Variants in WDR90 observed in about 807,000 individuals in gnomAD.
WDR90 encodes the protein WD repeat-containing protein 90.
In WDR90, 238 loss-of-function variants were observed where a neutral mutation model predicts 195.2. The observed-to-expected ratio is 1.22, with a 90% CI of 1.10 to 1.36. WDR90 has a LOEUF of 1.36. Ranked by LOEUF, WDR90 falls within the 40% of genes most tolerant of loss-of-function variation. The pLI is 0.00. For missense variants in WDR90, 2,734 were observed against 2,439.5 expected (o/e 1.12, Z -2.54); for synonymous variants, 1,265 against 1,052.4 (o/e 1.20, Z -3.91).
At chr16:661,538 T>C in intron 30 of WDR90, 37 bp downstream of exon 30, 1 of 1,538,228 alleles carries the variant, frequency 6.5e-7, no homozygotes, top group South Asian at 1.1e-5. Flanking sequence ...GGGGCTTCCC[T>C]AGACCCCGGG....
rs1263603744 is a variant in WDR90 at position 657,075 on chromosome 16, CCT to C, written c.2343-15_2343-14del. The C allele has an allele frequency of 3.8e-6, 6 of 1,596,208 alleles. No individual in the cohort carries two copies. The highest frequency in any genetic ancestry group is 5.1e-6 in the Non-Finnish European group (6 of 1,175,588). ...CTTCGGGGCTAGGGCCAGCGGGGTC[CCT>C]GTGTGTGCTGCAGGTGCCACCGAGG... On this transcript the variant is annotated splice_polypyrimidine_tract_variant and intron_variant, in intron 19 of 40. Transcript: ENST00000293879.
intron 36 of WDR90, 43 bp from the exon 37 acceptor site, chr16:666,176 CA>C: frequency 6.2e-7 from 1 of 1,606,070 alleles, no homozygotes; most frequent in Non-Finnish European, 8.5e-7. Flanking sequence ...GGCCCAGGTC[CA>C]GTCTCCGGGC....
chr16:652,090 C>T (rs1347220989), intron 9 of WDR90, 51 bp downstream of exon 9: 3 of 1,525,908 alleles, frequency 2.0e-6, no homozygotes, highest in African/African-American at 1.4e-5. Context: ...TGGGCTGGGG[C>T]AGCTGGTAGC....
chr16:663,144 G>C (rs766573213), intron 34 of WDR90: 24 of 503,332 alleles, frequency 4.8e-5, no homozygotes, highest in Non-Finnish European at 8.0e-5. Context: ...AATTGTCAAA[G>C]AAATCACATC....
intron 10 of WDR90, 38 bp from the exon 11 acceptor site, chr16:653,303 G>A (rs747517716): frequency 6.9e-6 from 10 of 1,454,554 alleles, no homozygotes; most frequent in Middle Eastern, 1.9e-4. Flanking sequence ...GGGGCCTGGC[G>A]TAGCACCGGT....
chr16:649,709 T>G, intron 1 of WDR90, 54 bp from the exon 2 acceptor site: 4 of 1,509,252 alleles, frequency 2.7e-6, no homozygotes, highest in Non-Finnish European at 3.6e-6. Flanking sequence ...AGCCCCGCAG[T>G]GGCCCCGGCT....
chr16:649,442 C>T lies in WDR90; in HGVS notation c.10+16C>T, dbSNP rs934118444. 1.5e-6 allele frequency: 2 copies of T among 1,296,724 alleles called. No homozygotes were observed. The highest frequency in any genetic ancestry group is 1.5e-5 in the African/African-American group (1 of 64,686). 80.3% of individuals were successfully genotyped at this position (1,296,724 alleles called of 1,614,324 possible). A position where few individuals can be genotyped will look rare whatever the true frequency, so the allele number is the denominator to read the frequency against. On this transcript the variant is annotated intron_variant, in intron 1 of 40. Coordinates refer to ENST00000293879, the MANE Select transcript of WDR90 (RefSeq NM_145294.5). ...ATGGCCCGAGGTAGCGCGCGGCTGG[C>T]GGGGGTCCCGAGGATCCCGGGTTCC...
intron 32 of WDR90, 54 bp from the exon 33 acceptor site, chr16:662,165 AC>A: frequency 6.6e-7 from 1 of 1,520,132 alleles, no homozygotes; most frequent in East Asian, 2.4e-5. Context: ...CAGCCTTGTG[AC>A]CCAGGGCCTC....
upstream of WDR90, chr16:649,274 G>T: frequency 5.9e-6 from 6 of 1,008,926 alleles, no homozygotes; most frequent in Non-Finnish European, 7.8e-6. Flanking sequence ...CCACCGGGGA[G>T]GTCACGTGGC....
intron 26 of WDR90, 27 bp downstream of exon 26, chr16:659,403 G>T (rs1475568102): frequency 3.8e-6 from 6 of 1,580,284 alleles, no homozygotes; most frequent in Non-Finnish European, 5.2e-6. Flanking sequence ...CTGGAGGAGT[G>T]GGGGGATTCG....
rs369592075 is a variant in WDR90, at chr16:660,759, G to A, written c.3391+45G>A. Reference sequence around the variant, plus strand: ...CCCCACCCCCAGCCAAGATGCGGCCGCGCGTGGTCCAGCCGTCTCCACCCC... The same window carrying A: ...CCCCACCCCCAGCCAAGATGCGGCCACGCGTGGTCCAGCCGTCTCCACCCC... On this transcript the variant is annotated intron_variant, in intron 28 of 40. Coordinates refer to ENST00000293879, the MANE Select transcript of WDR90 (RefSeq NM_145294.5). The A allele has an allele frequency of 1.6e-5, 25 of 1,521,398 alleles. No individual in the cohort carries two copies. In the Middle Eastern group the frequency reaches 5.1e-4, roughly 31 times the overall value. 94.2% of individuals were successfully genotyped at this position (1,521,398 alleles called of 1,614,324 possible). A position where few individuals can be genotyped will look rare whatever the true frequency, so the allele number is the denominator to read the frequency against.
rs2038050533 is a variant in WDR90, at chr16:666,448, T to G, written c.4741-7T>G. On this transcript the variant is annotated splice_region_variant and splice_polypyrimidine_tract_variant and intron_variant, in intron 37 of 40. Transcript: ENST00000293879. ...CACCTGTCGGCCCTCACCCACTCCA[T>G]TCCCAGTGTGAAGACTTAGGGGTGG... 3 of 1,610,016 alleles carry G rather than the reference T, an allele frequency of 1.9e-6. No homozygotes were observed. Among genetic ancestry groups the G allele is most frequent in the Non-Finnish European group, 2.5e-6 (3 of 1,178,060 alleles).
At position 650,091 on chromosome 16, in the gene WDR90, C is replaced by T. The variant is rs374792797; in HGVS notation, c.203C>T (p.Thr68Met). The T allele has an allele frequency of 1.9e-6, 3 of 1,613,066 alleles. No individual in the cohort carries two copies. The highest frequency in any genetic ancestry group is 1.7e-5 in the Admixed American group (1 of 60,032). ...AGCAGCACCCAGTCTCTGGGGCTGA[C>T]GGGACGATACCTGTATGTGCTCTTT... The part of the protein sequence containing the change: ...PKSSTQSLGL[T>M]GRYLYVLFRP... Residue 68 changes from threonine to methionine, a missense_variant, in exon 3 of 41, where the codon ACG becomes ATG. Physicochemically the swap from Thr to Met is moderately conservative, Grantham distance 81. Coordinates refer to ENST00000293879, the MANE Select transcript of WDR90 (RefSeq NM_145294.5).
chr16:650,874 C>T (rs2037631522), intron 5 of WDR90, 121 bp from the exon 6 acceptor site: 1 of 1,480,400 alleles, frequency 6.8e-7, no homozygotes. Flanking sequence ...GAACCCATCC[C>T]AGAGGCAGCC....
Position 653,611 on chromosome 16 carries a change from C to G in WDR90, c.1320C>G (p.Phe440Leu), listed in dbSNP as rs773703864. 4 of 1,613,410 alleles carry G rather than the reference C, an allele frequency of 2.5e-6. No individual in the cohort carries two copies. The highest frequency in any genetic ancestry group is 8.5e-7 in the Non-Finnish European group (1 of 1,180,014). Residue 440 changes from phenylalanine (F) to leucine (L), a missense_variant, in exon 12 of 41, where the codon TTC (phenylalanine) becomes TTG (leucine). Transcript: ENST00000293879. ...RAPSVMRLWDFQTGRCLCLFR... is the reference protein window; with the variant it reads ...RAPSVMRLWDLQTGRCLCLFR... The stretch of plus-strand genomic sequence containing the variant: ...CTAGTGTGATGCGGCTCTGGGACTT[C>G]CAGACCGGGCGGTGCTTGTGCCTGT...
In WDR90 at chr16:655,429, A is replaced by G; in HGVS notation, c.1679A>G (p.Gln560Arg). Residue 560 changes from glutamine (Q) to arginine (R), a missense_variant, in exon 15 of 41, where the codon CAG becomes CGG. By Grantham distance (43) the Gln-to-Arg change is conservative (BLOSUM62 1). Transcript: ENST00000293879. ...ALQFTDLAFKQARDGCPEPSA... is the reference protein window; with the variant it reads ...ALQFTDLAFKRARDGCPEPSA... ...CAGTTCACCGACCTGGCCTTCAAGC[A>G]GGCCCGGGACGGCTGCCCGGAGCCC... 6.3e-7 allele frequency: 1 copy of G among 1,577,188 alleles called. No individual in the cohort carries two copies. The highest frequency in any genetic ancestry group is 1.1e-5 in the South Asian group (1 of 87,962).
chr16:663,085 C>T (rs745428032), intron 34 of WDR90: 2 of 671,674 alleles, frequency 3.0e-6, no homozygotes, highest in Admixed American at 4.5e-5. Context: ...ACTGTCCTTT[C>T]CCTGCTATTG....
Position 655,588 on chromosome 16 carries a change from C to T in WDR90, c.1734C>T (p.Arg578=). The change falls in exon 16 of 41, where the codon CGC becomes CGT. Residue 578 remains arginine, a synonymous_variant. Coordinates refer to ENST00000293879, the MANE Select transcript of WDR90 (RefSeq NM_145294.5). ...PSAAMLFVCS[R]SGHILEIDCQ... ...CCTCGGGCAGCTTCGTGTGCAGCCG[C>T]AGTGGCCACATCTTGGAGATTGACT... The T allele has an allele frequency of 6.2e-7, 1 of 1,600,442 alleles. No individual in the cohort carries two copies.
At chr16:654,984 C>A (rs758240430) in intron 13 of WDR90, 45 bp from the exon 14 acceptor site, 2 of 1,573,896 alleles carry the variant, frequency 1.3e-6, no homozygotes. Context: ...ATCGAGGTGG[C>A]CCCGACTGGC....
Sources: gnomAD v4.1 joint callset for allele counts on GRCh38, gnomAD v4.1.1 for gene constraint, MANE v1.5 for transcripts, NCBI Gene and HGNC (gene_info 2026-07-23, HGNC 2026-07-21) for gene names.